NKAIN2: variants seen among roughly 807,000 people sequenced by gnomAD.
NKAIN2 encodes the protein sodium/potassium-transporting ATPase subunit beta-1-interacting protein 2.
In NKAIN2, 14 loss-of-function variants were observed where a neutral mutation model predicts 32.6. The observed-to-expected ratio is 0.43, with a 90% CI of 0.28 to 0.67. NKAIN2 has a LOEUF of 0.67. NKAIN2 is among the 30% of genes least tolerant of loss of function. NKAIN2 has a pLI of 0.17. For missense variants in NKAIN2, 198 were observed against 258.3 expected (o/e 0.77, Z 1.60); for synonymous variants, 80 against 87.2 (o/e 0.92, Z 0.46).
chr6:124,055,270 G>A lies in NKAIN2; in HGVS notation c.55-227735G>A, dbSNP rs1038017814. 4.0e-4 allele frequency among the ~76,000 whole-genome samples: 61 copies of A among 151,856 alleles called. 2 individuals carry two copies. Among genetic ancestry groups the A allele is most frequent in the Non-Finnish European group, 1.3e-4 (9 of 67,942 alleles). Reference sequence around the variant, plus strand: ...GAAATTACAAAAGGCAGCATAAAACGAATGCATAATTTTAAATATAATAGC... The same window carrying A: ...GAAATTACAAAAGGCAGCATAAAACAAATGCATAATTTTAAATATAATAGC... On this transcript the variant is annotated intron_variant, in intron 1 of 6. Coordinates refer to ENST00000368417, the MANE Select transcript of NKAIN2 (RefSeq NM_001040214.3).
chr6:124,595,697 A>G (rs761940397), intron 3 of NKAIN2, among the ~76,000 whole-genome samples: 35 of 152,200 alleles, frequency 2.3e-4, no homozygotes, highest in South Asian at 4.1e-4. Context: ...TCAGCTTCTA[A>G]TAAAACTGAC....
chr6:124,463,903 A>T (rs1776636050), intron 3 of NKAIN2, among the ~76,000 whole-genome samples: 1 of 152,126 alleles, frequency 6.6e-6, no homozygotes, highest in Non-Finnish European at 1.5e-5. Context: ...GAAATGTCTA[A>T]AACGTCTATT....
At chr6:124,043,955 A>G (rs1016017435) in intron 1 of NKAIN2, among the ~76,000 whole-genome samples, 2 of 152,098 alleles carry the variant, frequency 1.3e-5, no homozygotes, top group Non-Finnish European at 1.5e-5. Flanking sequence ...GGTAGGAACT[A>G]TGTATTAGTT....
At chr6:123,905,228 A>G (rs936633362) in intron 1 of NKAIN2, among the ~76,000 whole-genome samples, 1 of 152,002 alleles carries the variant, frequency 6.6e-6, no homozygotes, top group Admixed American at 6.6e-5. Flanking sequence ...ACTTCATTAC[A>G]GCACAGCAAG....
chr6:124,760,780 G>A (rs1183427993), intron 4 of NKAIN2, among the ~76,000 whole-genome samples: 1 of 152,166 alleles, frequency 6.6e-6, no homozygotes, highest in Non-Finnish European at 1.5e-5. Context: ...CAATAGCAAT[G>A]AGTTATTCAA....
chr6:123,865,690 C>A (rs1775953474), intron 1 of NKAIN2, among the ~76,000 whole-genome samples: 1 of 152,058 alleles, frequency 6.6e-6, no homozygotes, highest in Non-Finnish European at 1.5e-5. Context: ...TTAATATGTA[C>A]TAGTTAAGTA....
At chr6:123,881,821 ATATGT>A (rs1178822037) in intron 1 of NKAIN2, among the ~76,000 whole-genome samples, 1 of 152,202 alleles carries the variant, frequency 6.6e-6, no homozygotes, top group African/African-American at 2.4e-5. Context: ...AAACTCATAA[ATATGT>A]TAGATTGTGT....
At chr6:123,960,979 A>T (rs1008648742) in intron 1 of NKAIN2, among the ~76,000 whole-genome samples, 1 of 152,090 alleles carries the variant, frequency 6.6e-6, no homozygotes, top group Non-Finnish European at 1.5e-5. Flanking sequence ...ATGAAAAAAA[A>T]TATATGAATA....
At chr6:124,398,769 C>T (rs1773506067) in intron 3 of NKAIN2, among the ~76,000 whole-genome samples, 1 of 152,006 alleles carries the variant, frequency 6.6e-6, no homozygotes, top group Non-Finnish European at 1.5e-5. Flanking sequence ...GTTGATTAGT[C>T]AGAAATTAAG....
intron 3 of NKAIN2, among the ~76,000 whole-genome samples, chr6:124,460,109 C>T (rs1014474864): frequency 1.3e-5 from 2 of 151,662 alleles, no homozygotes; most frequent in African/African-American, 4.8e-5. Context: ...AAAATCACTA[C>T]ATTACTACAA....
intron 2 of NKAIN2, among the ~76,000 whole-genome samples, chr6:124,350,142 C>T (rs962734252): frequency 3.9e-5 from 6 of 152,152 alleles, no homozygotes; most frequent in African/African-American, 1.4e-4. Context: ...ATTAGGTCAT[C>T]TCTCCAGGGC....
chr6:124,388,126 T>C (rs1772989048), intron 3 of NKAIN2, among the ~76,000 whole-genome samples: 1 of 152,044 alleles, frequency 6.6e-6, no homozygotes, highest in African/African-American at 2.4e-5. Context: ...TCTGCTCTGG[T>C]TCAATACCCT....
chr6:124,616,371 T>C (rs1414801122), intron 3 of NKAIN2, among the ~76,000 whole-genome samples: 1 of 151,036 alleles, frequency 6.6e-6, no homozygotes, highest in African/African-American at 2.4e-5. Context: ...TTTTTTAATT[T>C]AAAGTATTTT....
At chr6:124,109,802 A>C (rs139707256) in intron 1 of NKAIN2, among the ~76,000 whole-genome samples, 3 of 151,876 alleles carry the variant, frequency 2.0e-5, no homozygotes, top group African/African-American at 7.3e-5. Context: ...GAGGGTTTTT[A>C]TCATAAGAAG....
intron 4 of NKAIN2, among the ~76,000 whole-genome samples, chr6:124,679,178 C>G (rs1051855702): frequency 6.6e-6 from 1 of 152,024 alleles, no homozygotes; most frequent in Non-Finnish European, 1.5e-5. Context: ...ATTGCAAACA[C>G]ATTTCAACTC....
chr6:123,867,962 A>G (rs537928358), intron 1 of NKAIN2, among the ~76,000 whole-genome samples: 2 of 146,506 alleles, frequency 1.4e-5, no homozygotes, highest in Admixed American at 7.1e-5. Flanking sequence ...TCTGCCTCCC[A>G]GGTTCATGCC....
At chr6:124,534,955 G>A (rs1254526752) in intron 3 of NKAIN2, among the ~76,000 whole-genome samples, 1 of 152,078 alleles carries the variant, frequency 6.6e-6, no homozygotes, top group South Asian at 2.1e-4. Flanking sequence ...TATAGTATTT[G>A]CGTATAACCT....
intron 3 of NKAIN2, among the ~76,000 whole-genome samples, chr6:124,531,801 G>T (rs1360921092): frequency 6.6e-6 from 1 of 152,148 alleles, no homozygotes; most frequent in Non-Finnish European, 1.5e-5. Context: ...CTTCCAATTA[G>T]CTGGGACTAC....
intron 1 of NKAIN2, among the ~76,000 whole-genome samples, chr6:123,909,028 T>G (rs908339065): frequency 1.3e-5 from 2 of 152,220 alleles, no homozygotes; most frequent in Non-Finnish European, 2.9e-5. Context: ...GTAATTAACC[T>G]GACTCATCAA....
Sources: allele counts gnomAD v4.1 joint callset (sites outside exome capture counted in the v4.1 genomes callset), GRCh38; gene constraint gnomAD v4.1.1; transcripts MANE v1.5; gene names NCBI Gene and HGNC (gene_info 2026-07-23, HGNC 2026-07-21).